ROCK2: variants seen among roughly 807,000 people sequenced by gnomAD.
ROCK2 encodes the protein rho-associated protein kinase 2.
In ROCK2, 61 loss-of-function variants were observed where a neutral mutation model predicts 195.1. The observed-to-expected ratio is 0.31, with a 90% CI of 0.25 to 0.39. The LOEUF (loss-of-function observed/expected upper bound fraction) is 0.39, where lower values mean the gene tolerates loss of function less well. Ranked by LOEUF, ROCK2 falls within the 10% of genes least tolerant of loss-of-function variation. The pLI, the probability that ROCK2 is intolerant of heterozygous loss-of-function variation, is 1.00. For missense variants in ROCK2, 1,109 were observed against 1,637.4 expected (o/e 0.68, Z 5.57); for synonymous variants, 504 against 545.5 (o/e 0.92, Z 1.06).
intron 1 of ROCK2, among the ~76,000 whole-genome samples, chr2:11,339,589 C>T (rs983741937): frequency 3.3e-5 from 5 of 150,682 alleles, no homozygotes; most frequent in East Asian, 3.9e-4. Flanking sequence ...TTAAGTAGAT[C>T]GGAGCTATAC....
intron 3 of ROCK2, among the ~76,000 whole-genome samples, chr2:11,256,541 G>C (rs898938606): frequency 6.6e-6 from 1 of 150,868 alleles, no homozygotes; most frequent in Non-Finnish European, 1.5e-5. Context: ...TTACAGCAAT[G>C]TGAGAACGGA....
intron 18 of ROCK2, among the ~76,000 whole-genome samples, chr2:11,210,513 C>A (rs554244542): frequency 3.3e-4 from 50 of 152,108 alleles, no homozygotes; most frequent in African/African-American, 1.1e-3. Context: ...GCTAATTTTT[C>A]TATTTTTTGT....
chr2:11,225,756 G>T (rs1664789591), intron 6 of ROCK2, among the ~76,000 whole-genome samples: 1 of 152,168 alleles, frequency 6.6e-6, no homozygotes, highest in South Asian at 2.1e-4. Context: ...ATTTTCAAAA[G>T]ATTACAAGAC....
Position 11,207,838 on chromosome 2 carries a change from G to T in ROCK2, c.2437C>A (p.Gln813Lys). ...RCLTQNDLKM[Q>K]TQQVNTLKMS... ...TTTAGTGTGTTAACCTGTTGTGTTT[G>T]CATCTTCAGGTCATTTTGTGTAAGG... Residue 813 changes from glutamine to lysine, a missense_variant, in exon 20 of 33, where the codon CAA becomes AAA. Coordinates refer to ENST00000315872, the MANE Select transcript of ROCK2 (RefSeq NM_004850.5). 6.2e-7 allele frequency: 1 copy of T among 1,609,424 alleles called. No individual in the cohort carries two copies. The highest frequency in any genetic ancestry group is 1.3e-5 in the African/African-American group (1 of 74,944).
At chr2:11,193,127 G>A (rs1275629130) in intron 30 of ROCK2, among the ~76,000 whole-genome samples, 1 of 152,150 alleles carries the variant, frequency 6.6e-6, no homozygotes, top group African/African-American at 2.4e-5. Context: ...AGAAAACTGG[G>A]TAACAGCTAT....
intron 16 of ROCK2, 127 bp downstream of exon 16, chr2:11,214,713 C>T (rs1021314712): frequency 1.1e-5 from 10 of 911,366 alleles, no homozygotes; most frequent in Non-Finnish European, 1.4e-5. Flanking sequence ...CAGTGTATTT[C>T]TAATATTCTA....
chr2:11,327,652 TC>T (rs1218408922), intron 1 of ROCK2, among the ~76,000 whole-genome samples: 4 of 152,074 alleles, frequency 2.6e-5, no homozygotes, highest in Non-Finnish European at 4.4e-5. Context: ...AATCTCCACC[TC>T]CCCAGCTCAA....
chr2:11,321,336 G>A (rs533279068), intron 1 of ROCK2, among the ~76,000 whole-genome samples: 70 of 151,746 alleles, frequency 4.6e-4, no homozygotes, highest in Non-Finnish European at 8.4e-4. Context: ...CCACCGCACC[G>A]GGCTAATTTT....
intron 17 of ROCK2, among the ~76,000 whole-genome samples, chr2:11,213,752 C>T (rs1206541541): frequency 2.6e-5 from 4 of 151,866 alleles, no homozygotes; most frequent in African/African-American, 4.8e-5. Flanking sequence ...GCATCCCATA[C>T]ACCCAATACA....
At chr2:11,272,598 G>T (rs575744667) in intron 3 of ROCK2, among the ~76,000 whole-genome samples, 1 of 152,040 alleles carries the variant, frequency 6.6e-6, no homozygotes, top group African/African-American at 2.4e-5. Flanking sequence ...AAGCAGAGCT[G>T]GCCGGCTGCA....
intron 3 of ROCK2, among the ~76,000 whole-genome samples, chr2:11,282,823 T>C (rs1667053196): frequency 6.6e-6 from 1 of 151,920 alleles, no homozygotes; most frequent in South Asian, 2.1e-4. Context: ...AACCAAAGAC[T>C]GGGGGAAAAT....
chr2:11,304,794 C>T lies in ROCK2; in HGVS notation c.142-17058G>A, dbSNP rs148127623. Among the ~76,000 whole-genome samples the T allele has an allele frequency of 3.9e-5, 6 of 152,246 alleles. No homozygotes were observed. In the East Asian group the frequency reaches 7.7e-4, roughly 20 times the overall value. ...CTTCTAAACGTTTCGAAATCACAAC[C>T]GGTACCCTACACAAGAAGTAGGAAT... On this transcript the variant is annotated intron_variant, in intron 1 of 32. Transcript: ENST00000315872.
intron 1 of ROCK2, among the ~76,000 whole-genome samples, chr2:11,340,486 T>A (rs1038412519): frequency 6.6e-6 from 1 of 152,182 alleles, no homozygotes; most frequent in African/African-American, 2.4e-5. Flanking sequence ...TCTTTAAATA[T>A]CTCCTATCAA....
chr2:11,228,487 A>C (rs1664888570), intron 5 of ROCK2, among the ~76,000 whole-genome samples: 1 of 152,160 alleles, frequency 6.6e-6, no homozygotes, highest in Non-Finnish European at 1.5e-5. Context: ...TTTAAAAATA[A>C]ATGTTATGGA....
intron 1 of ROCK2, among the ~76,000 whole-genome samples, chr2:11,337,862 C>T (rs547727483): frequency 2.0e-5 from 3 of 151,848 alleles, no homozygotes; most frequent in Admixed American, 6.6e-5. Context: ...AGGCTGGTCT[C>T]GAACTCCTGA....
intron 3 of ROCK2, among the ~76,000 whole-genome samples, chr2:11,258,758 G>A (rs1666123085): frequency 6.6e-6 from 1 of 151,188 alleles, no homozygotes; most frequent in Admixed American, 6.6e-5. Context: ...ACTGGAGAAG[G>A]AGCTGTGATA....
chr2:11,330,797 G>T (rs1668707719), intron 1 of ROCK2, among the ~76,000 whole-genome samples: 1 of 77,128 alleles, frequency 1.3e-5, no homozygotes, highest in African/African-American at 5.1e-5. Flanking sequence ...GGAGAGAGGA[G>T]GGAGGAGAGA....
intron 5 of ROCK2, among the ~76,000 whole-genome samples, chr2:11,234,945 G>C (rs1457075338): frequency 6.6e-6 from 1 of 152,032 alleles, no homozygotes; most frequent in African/African-American, 2.4e-5. Context: ...GGCTTTATAA[G>C]CATACTGGAA....
Position 11,211,661 on chromosome 2 carries a change from C to T in ROCK2, c.2203+20G>A, listed in dbSNP as rs780287293. 1 of 1,557,922 alleles carries T rather than the reference C, an allele frequency of 6.4e-7. No individual in the cohort carries two copies. The highest frequency in any genetic ancestry group is 2.3e-5 in the East Asian group (1 of 44,084). On this transcript the variant is annotated intron_variant, in intron 18 of 32. Transcript: ENST00000315872. ...TCTTAGGAAGACGCTGCTGGAAAAC[C>T]CTCTTTAAAAAATGCATACCTTTCA...
Sources: gnomAD v4.1 joint callset for allele counts (sites outside exome capture counted in the v4.1 genomes callset) on GRCh38, gnomAD v4.1.1 for gene constraint, MANE v1.5 for transcripts, NCBI Gene and HGNC (gene_info 2026-07-23, HGNC 2026-07-21) for gene names.